VWF: variants seen among roughly 807,000 people sequenced by gnomAD.
VWF encodes von Willebrand factor, also known as Factor VIII related antigen.
A neutral mutation model predicts 308.6 loss-of-function variants in VWF; 176 were observed. The ratio of observed to expected loss-of-function variants is 0.57; its 90% CI spans 0.50 to 0.65. The LOEUF (loss-of-function observed/expected upper bound fraction) is 0.65. VWF is among the 30% of genes least tolerant of loss of function. VWF has a pLI of 0.00. For missense variants in VWF, 3,146 were observed against 3,648.2 expected (o/e 0.86, Z 3.55); for synonymous variants, 1,385 against 1,443.4 (o/e 0.96, Z 0.92).
chr12:5,993,282 G>A (rs566447175), intron 37 of VWF, among the ~76,000 whole-genome samples: 4 of 152,152 alleles, frequency 2.6e-5, no homozygotes, highest in Non-Finnish European at 5.9e-5. Flanking sequence ...AGTTTCCCCT[G>A]TACTTTAAAT....
intron 43 of VWF, among the ~76,000 whole-genome samples, chr12:5,973,178 C>T (rs1173007378): frequency 1.3e-5 from 2 of 152,174 alleles, no homozygotes; most frequent in African/African-American, 4.8e-5. Flanking sequence ...GGCTGCACAA[C>T]CAGGGTCCAA....
chr12:6,031,303 T>C, intron 21 of VWF, 141 bp downstream of exon 21: 1 of 1,418,242 alleles, frequency 7.1e-7, no homozygotes, highest in Non-Finnish European at 9.8e-7. Context: ...CACGGTCAGT[T>C]GCAATAGCTC....
At position 5,948,912 on chromosome 12, in the gene VWF, T is replaced by C. The variant is rs1171474010; in HGVS notation, c.*103A>G. Reference sequence around the variant, plus strand: ...TAAGAGCTCAGCCTTTATTGTGGGCTCAGAAGGGCACAAGAGCAGAACATG... The same window carrying C: ...TAAGAGCTCAGCCTTTATTGTGGGCCCAGAAGGGCACAAGAGCAGAACATG... On this transcript the variant is annotated 3_prime_UTR_variant, in exon 52 of 52. Transcript: ENST00000261405. This position sits in a 1 kb window ranked among gnomAD's most constrained non-coding sequence, Gnocchi z 4.4. 6.6e-6 allele frequency: 9 copies of C among 1,359,420 alleles called. No individual in the cohort carries two copies. In the East Asian group the frequency reaches 2.0e-4, roughly 30 times the overall value. 84.2% of individuals were successfully genotyped at this position (1,359,420 alleles called of 1,614,324 possible).
At chr12:6,087,538 T>G (rs191839601) in intron 6 of VWF, among the ~76,000 whole-genome samples, 1,900 of 144,370 alleles carry the variant, frequency 0.013, 119 homozygotes, top group African/African-American at 0.047. Context: ...TTTTTTTTTT[T>G]GTATTGTTAG....
chr12:5,950,815 T>C (rs1943182303), intron 50 of VWF, among the ~76,000 whole-genome samples: 1 of 152,196 alleles, frequency 6.6e-6, no homozygotes, highest in African/African-American at 2.4e-5. Context: ...GGTAACAGTC[T>C]CCTAATCAAA....
intron 34 of VWF, among the ~76,000 whole-genome samples, chr12:6,004,439 T>C (rs2136396403): frequency 6.6e-6 from 1 of 152,246 alleles, no homozygotes; most frequent in Non-Finnish European, 1.5e-5. Flanking sequence ...TAATATAAAA[T>C]ACATGATATG....
intron 34 of VWF, among the ~76,000 whole-genome samples, chr12:6,001,583 A>T (rs1943874032): frequency 6.6e-6 from 1 of 152,230 alleles, no homozygotes. Flanking sequence ...GCACCAGACA[A>T]CATCTTCATA....
intron 42 of VWF, 111 bp from the exon 43 acceptor site, chr12:5,976,371 A>G: frequency 1.4e-6 from 2 of 1,425,676 alleles, no homozygotes; most frequent in South Asian, 1.2e-5. Context: ...GGCAATAAAT[A>G]AAACCAAATG....
intron 6 of VWF, among the ~76,000 whole-genome samples, chr12:6,087,252 A>G (rs1356524212): frequency 3.3e-5 from 5 of 152,020 alleles, no homozygotes; most frequent in African/African-American, 1.2e-4. Context: ...CGGGCATACA[A>G]TGAAAGAAGG....
chr12:6,004,008 G>T (rs896625323), intron 34 of VWF, among the ~76,000 whole-genome samples: 1 of 151,668 alleles, frequency 6.6e-6, no homozygotes, highest in African/African-American at 2.4e-5. Context: ...GTAGAGACGG[G>T]GTTTCACCGT....
At chr12:6,085,738 G>A (rs1944961566) in intron 6 of VWF, among the ~76,000 whole-genome samples, 1 of 150,996 alleles carries the variant, frequency 6.6e-6, no homozygotes, top group Admixed American at 6.6e-5. Flanking sequence ...GCGGGGGGCG[G>A]GGGCAAGGAG....
At chr12:5,975,970 T>G (rs1591838679) in intron 43 of VWF, 141 bp downstream of exon 43, 2 of 1,233,418 alleles carry the variant, frequency 1.6e-6, no homozygotes, top group East Asian at 5.1e-5. Context: ...GAGCCGAGAT[T>G]GTGCCACTGC....
chr12:6,087,354 CTTTTT>C (rs948166436), intron 6 of VWF, among the ~76,000 whole-genome samples: 54 of 118,770 alleles, frequency 4.5e-4, no homozygotes, highest in African/African-American at 1.7e-3. Flanking sequence ...AGACTTAACT[CTTTTT>C]TTTTTTTTTT....
chr12:6,048,520 C>T (rs766528030), intron 16 of VWF, among the ~76,000 whole-genome samples: 2 of 148,412 alleles, frequency 1.3e-5, no homozygotes, highest in African/African-American at 2.5e-5. Flanking sequence ...TGGAGTGCAG[C>T]GGCATGATCT....
chr12:6,037,420 G>A (rs76838327), intron 18 of VWF, among the ~76,000 whole-genome samples: 6,452 of 152,210 alleles, frequency 0.042, 205 homozygotes, highest in Middle Eastern at 0.078. Flanking sequence ...CCAGTCTCCC[G>A]TATCCCGGTT....
rs961042481 is a variant in VWF, at chr12:6,036,288, CA to C, written c.2546+99del. 5.9e-6 allele frequency: 6 copies of C among 1,013,380 alleles called. No individual in the cohort carries two copies. The African/African-American group carries it at 9.5e-5, about 16-fold the overall frequency. The allele number at this position is 1,013,380 out of a possible 1,614,324, so 62.8% of individuals were successfully genotyped here. A position where few individuals can be genotyped will look rare whatever the true frequency, so the allele number is the denominator to read the frequency against. Reference sequence around the variant, plus strand: ...AAGGCAGAGAGTAACCAGGTTCCCACAGGGGGCTGGAGGCAAGTGCGGAAGG... The same window carrying C: ...AAGGCAGAGAGTAACCAGGTTCCCACGGGGGCTGGAGGCAAGTGCGGAAGG... On this transcript the variant is annotated intron_variant, in intron 19 of 51. Coordinates refer to ENST00000261405, the MANE Select transcript of VWF (RefSeq NM_000552.5).
intron 34 of VWF, among the ~76,000 whole-genome samples, chr12:6,009,731 G>T (rs1943970276): frequency 6.6e-6 from 1 of 152,122 alleles, no homozygotes; most frequent in Admixed American, 6.5e-5. Context: ...TAATCCAAAT[G>T]CACATCAGTG....
chr12:6,115,147 T>C (rs932694845), intron 3 of VWF, among the ~76,000 whole-genome samples: 5 of 151,918 alleles, frequency 3.3e-5, no homozygotes, highest in African/African-American at 1.2e-4. Flanking sequence ...AGCAATCCTA[T>C]TGTCACAACT....
At chr12:6,107,981 C>G (rs1305141981) in intron 5 of VWF, among the ~76,000 whole-genome samples, 1 of 151,714 alleles carries the variant, frequency 6.6e-6, no homozygotes, top group African/African-American at 2.4e-5. Flanking sequence ...TTTCTAAACA[C>G]TAATAACAAA....
Sources: allele counts gnomAD v4.1 joint callset (sites outside exome capture counted in the v4.1 genomes callset), GRCh38; gene constraint gnomAD v4.1.1; non-coding constraint Gnocchi (gnomAD v3.1); transcripts MANE v1.5; gene names NCBI Gene and HGNC (gene_info 2026-07-23, HGNC 2026-07-21).